SUN2: variants seen among roughly 807,000 people sequenced by gnomAD.
The protein encoded by SUN2 is SUN domain-containing protein 2.
Under a neutral mutation model 100.0 loss-of-function variants are expected in SUN2, and 60 were observed. The ratio of observed to expected loss-of-function variants is 0.60; its 90% CI spans 0.49 to 0.74. The LOEUF is 0.74. Ranked by LOEUF, SUN2 falls within the 30% of genes least tolerant of loss-of-function variation. The probability of loss-of-function intolerance (pLI) is 0.00; values close to 1 mark genes in which losing one functional copy is unlikely to be tolerated. For synonymous variants in SUN2, 367 were observed against 403.3 expected, an observed-to-expected ratio of 0.91 and a Z score of 1.08; for missense variants, 834 against 954.6, an observed-to-expected ratio of 0.87 and a Z score of 1.66.
At chr22:38,750,743 A>T (rs540426980) in intron 4 of SUN2, 155 bp downstream of exon 4, 33 of 1,258,822 alleles carry the variant, frequency 2.6e-5, no homozygotes, top group Non-Finnish European at 3.5e-5. Flanking sequence ...GGGCCACCGC[A>T]GGCCAGGCTG....
Position 38,737,237 on chromosome 22 carries a change from C to T in SUN2, c.2041-857G>A, listed in dbSNP as rs532142034. On this transcript the variant is annotated intron_variant, in intron 17 of 17. Coordinates refer to ENST00000689035, the MANE Select transcript of SUN2 (RefSeq NM_015374.3). This position sits in a 1 kb window ranked among gnomAD's most constrained non-coding sequence, Gnocchi z 4.1. Reference sequence around the variant, plus strand: ...ACAACTCAGTTCTTTCTGGCTCCCCCGACAGCTCCACTGGACTGTTCCATA... The same window carrying T: ...ACAACTCAGTTCTTTCTGGCTCCCCTGACAGCTCCACTGGACTGTTCCATA... Among the ~76,000 whole-genome samples the T allele has an allele frequency of 6.6e-4, 101 of 152,244 alleles. No individual in the cohort carries two copies. The highest frequency in any genetic ancestry group is 3.4e-3 in the Middle Eastern group (1 of 294).
chr22:38,740,964 G>A lies in SUN2; in HGVS notation c.1190+43C>T. The A allele has an allele frequency of 6.4e-7, 1 of 1,562,972 alleles. No homozygotes were observed. Among genetic ancestry groups the A allele is most frequent in the Non-Finnish European group, 8.7e-7 (1 of 1,152,074 alleles). ...CAGTCCTGCCTGGAGAGTGGGTGGGGCTGGGGAGGAGCAGGCCGAGGCCAG... is the reference window on the plus strand; with the variant it reads ...CAGTCCTGCCTGGAGAGTGGGTGGGACTGGGGAGGAGCAGGCCGAGGCCAG... On this transcript the variant is annotated intron_variant, in intron 11 of 17. Transcript: ENST00000689035. This position sits in a 1 kb window ranked among gnomAD's most constrained non-coding sequence, Gnocchi z 4.8.
At position 38,749,701 on chromosome 22, in the gene SUN2, A is replaced by G. The variant is rs1360969602; in HGVS notation, c.614+65T>C. 6.9e-6 allele frequency: 10 copies of G among 1,449,190 alleles called. No homozygotes were observed. The East Asian group carries it at 2.3e-4, about 33-fold the overall frequency. The allele number at this position is 1,449,190 out of a possible 1,614,324, so 89.8% of individuals were successfully genotyped here. A position where few individuals can be genotyped will look rare whatever the true frequency, so the allele number is the denominator to read the frequency against. ...AGAGAATCGACCATTACAGGTTGAC[A>G]CACTTTACCCGTCCCTTCACCCCAG... is the stretch of plus-strand genomic sequence containing the variant. On this transcript the variant is annotated intron_variant, in intron 6 of 17. Transcript: ENST00000689035.
In SUN2 at chr22:38,755,053, G is replaced by GCTCATC. The variant is rs2092975555; in HGVS notation, c.-38+709_-38+710insGATGAG. On this transcript the variant is annotated intron_variant, in intron 1 of 17. Coordinates refer to ENST00000689035, the MANE Select transcript of SUN2 (RefSeq NM_015374.3). The surrounding 1 kb of genome is among the most constrained non-coding windows in gnomAD (Gnocchi z 5.7). ...AACAATCAGTTAGGAAACGCTCATC[G>GCTCATC]GAAAGCATCCTTCCCCACTTCTCAG... 2.0e-5 allele frequency: 11 copies of GCTCATC among 538,682 alleles called. No individual in the cohort carries two copies. The African/African-American group carries it at 2.0e-4, about 10-fold the overall frequency. The allele number at this position is 538,682 out of a possible 1,614,324, so 33.4% of individuals were successfully genotyped here.
intron 17 of SUN2, 116 bp from the exon 18 acceptor site, chr22:38,736,496 C>T: frequency 1.3e-6 from 1 of 762,112 alleles, no homozygotes. Flanking sequence ...TGCTCCTTCC[C>T]TGGGGCTCTG....
Position 38,742,160 on chromosome 22 carries a change from A to AC in SUN2, c.1068+140_1068+141insG. On this transcript the variant is annotated intron_variant, in intron 9 of 17. Coordinates refer to ENST00000689035, the MANE Select transcript of SUN2 (RefSeq NM_015374.3). ...ATTGTCTCAAAAAGAAAAAAAAAAAAGAAAAAAAGAGAAAGGGAGTAACTG... is the reference window on the plus strand; with the variant it reads ...ATTGTCTCAAAAAGAAAAAAAAAAAACGAAAAAAAGAGAAAGGGAGTAACTG... The AC allele has an allele frequency of 8.2e-6, 9 of 1,096,704 alleles. No homozygotes were observed. In the African/African-American group the frequency reaches 1.3e-4, roughly 16 times the overall value. The allele number at this position is 1,096,704 out of a possible 1,614,324, so 67.9% of individuals were successfully genotyped here. A position where few individuals can be genotyped will look rare whatever the true frequency, so the allele number is the denominator to read the frequency against.
At chr22:38,743,414 C>CATATTTAG (rs2092876421) in intron 8 of SUN2, 1 of 152,208 alleles carries the variant, frequency 6.6e-6, no homozygotes, top group African/African-American at 2.4e-5. Context: ...TGGCGAAACC[C>CATATTTAG]TGTGTCTACT....
chr22:38,738,678 A>G lies in SUN2; in HGVS notation c.1856T>C (p.Ile619Thr). Residue 619 changes from isoleucine (I) to threonine (T), a missense_variant, in exon 16 of 18, where the codon ATC (isoleucine) becomes ACC (threonine). Physicochemically the swap from Ile to Thr is moderately conservative, Grantham distance 89 (BLOSUM62 -1). Around this residue, in one of 3 missense-constraint regions of SUN2, gnomAD observed 195 missense variants for 280.2 expected, o/e 0.70. Transcript: ENST00000689035. The surrounding 1 kb of genome is among the most constrained non-coding windows in gnomAD (Gnocchi z 6.6). The stretch of plus-strand genomic sequence containing the variant: ...CTCTAAGGTAACGGCTGTGGGGCGG[A>G]TGCGGGCAGAGAGGCGGACCACGGC... Reference protein sequence around the residue: ...GFAVVRLSARIRPTAVTLEHV... With the variant: ...GFAVVRLSARTRPTAVTLEHV... 6.2e-7 allele frequency: 1 copy of G among 1,613,866 alleles called. No individual in the cohort carries two copies. Among genetic ancestry groups the G allele is most frequent in the Non-Finnish European group, 8.5e-7 (1 of 1,180,010 alleles).
intron 1 of SUN2, chr22:38,754,932 G>A (rs1438958235): frequency 7.0e-6 from 9 of 1,289,136 alleles, no homozygotes; most frequent in South Asian, 1.2e-5. Context: ...GAAAAAGGTC[G>A]AGGCCCCATT....
In SUN2 at chr22:38,735,283, G is replaced by A. The variant is rs2092793423; in HGVS notation, c.*984C>T. On this transcript the variant is annotated 3_prime_UTR_variant, in exon 18 of 18. Transcript: ENST00000689035. ...CTGCAAGAGCCCAAGGGGGCAGCCTGAGCGGACGACCCCTACATCAGGGCC... is the reference window on the plus strand; with the variant it reads ...CTGCAAGAGCCCAAGGGGGCAGCCTAAGCGGACGACCCCTACATCAGGGCC... 2.2e-6 allele frequency: 1 copy of A among 454,626 alleles called. No individual in the cohort carries two copies. The highest frequency in any genetic ancestry group is 4.4e-6 in the Non-Finnish European group (1 of 226,378). The allele number at this position is 454,626 out of a possible 1,614,324, so 28.2% of individuals were successfully genotyped here. A position where few individuals can be genotyped will look rare whatever the true frequency, so the allele number is the denominator to read the frequency against.
At chr22:38,750,088 C>A in intron 5 of SUN2, 137 bp downstream of exon 5, 1 of 1,369,570 alleles carries the variant, frequency 7.3e-7, no homozygotes. Flanking sequence ...TCTGGGCTCC[C>A]AGTGATTATT....
In SUN2 at chr22:38,752,159, G is replaced by C. The variant is rs897968265; in HGVS notation, c.122+348C>G. 5.3e-5 allele frequency among the ~76,000 whole-genome samples: 8 copies of C among 152,138 alleles called. No individual in the cohort carries two copies. In the East Asian group the frequency reaches 1.3e-3, roughly 26 times the overall value. On this transcript the variant is annotated intron_variant, in intron 2 of 17. Transcript: ENST00000689035. ...CGGGCTAATTTTTGTATTTTTAGTA[G>C]AGACGGAGTTTCACTATGTTGGTCA...
At chr22:38,754,033 C>T (rs887835005) in intron 1 of SUN2, among the ~76,000 whole-genome samples, 1 of 152,130 alleles carries the variant, frequency 6.6e-6, no homozygotes, top group African/African-American at 2.4e-5. Flanking sequence ...AGGAGGAGGG[C>T]AGCATGAATT....
Position 38,755,050 on chromosome 22 carries a change from A to G in SUN2, c.-38+713T>C. On this transcript the variant is annotated intron_variant, in intron 1 of 17. Transcript: ENST00000689035. This position sits in a 1 kb window ranked among gnomAD's most constrained non-coding sequence, Gnocchi z 5.7. Reference sequence around the variant, plus strand: ...CCTAACAATCAGTTAGGAAACGCTCATCGGAAAGCATCCTTCCCCACTTCT... The same window carrying G: ...CCTAACAATCAGTTAGGAAACGCTCGTCGGAAAGCATCCTTCCCCACTTCT... 2.7e-6 allele frequency: 3 copies of G among 1,099,512 alleles called. No individual in the cohort carries two copies. Among genetic ancestry groups the G allele is most frequent in the Non-Finnish European group, 3.5e-6 (3 of 854,604 alleles). The allele number at this position is 1,099,512 out of a possible 1,614,324, so 68.1% of individuals were successfully genotyped here.
At chr22:38,750,109 C>G in intron 5 of SUN2, 116 bp downstream of exon 5, 2 of 1,464,456 alleles carry the variant, frequency 1.4e-6, no homozygotes, top group Non-Finnish European at 1.8e-6. Context: ...CTAGAATGAC[C>G]TTTCCCCAAT....
rs2092804001 is a variant in SUN2 at position 38,736,281 on chromosome 22, C to T, written c.2140G>A (p.Glu714Lys). Residue 714 changes from glutamate (E) to lysine (K), a missense_variant, in exon 18 of 18, where the codon GAG becomes AAG. Around this residue, in one of 3 missense-constraint regions of SUN2, gnomAD observed 80 missense variants for 76.7 expected, o/e 1.04. Coordinates refer to ENST00000689035, the MANE Select transcript of SUN2 (RefSeq NM_015374.3). ...TCIYRFRVHG[E>K]PAH ...AGTAAGCAGGGCTAGTGGGCGGGCT[C>T]CCCATGCACTCTGAAGCGGTAGATG... is the stretch of plus-strand genomic sequence containing the variant. 1 of 1,613,360 alleles carries T rather than the reference C, an allele frequency of 6.2e-7. No homozygotes were observed.
chr22:38,754,603 T>TGGGCTGG, intron 1 of SUN2: 2 of 889,150 alleles, frequency 2.2e-6, no homozygotes, highest in Non-Finnish European at 3.2e-6. Context: ...TAAGGTAATC[T>TGGGCTGG]CCCCTCCCCC....
intron 7 of SUN2, among the ~76,000 whole-genome samples, chr22:38,748,480 C>T (rs1362107949): frequency 1.3e-5 from 2 of 152,220 alleles, no homozygotes; most frequent in Non-Finnish European, 2.9e-5. Flanking sequence ...GAGGGCATCC[C>T]GCTTTTCACC....
intron 17 of SUN2, 124 bp from the exon 18 acceptor site, chr22:38,736,504 C>A (rs1009629943): frequency 2.8e-6 from 2 of 710,118 alleles, no homozygotes; most frequent in African/African-American, 3.6e-5. Flanking sequence ...CCCTGGGGCT[C>A]TGAAGAGAAC....
Sources: allele counts gnomAD v4.1 joint callset (sites outside exome capture counted in the v4.1 genomes callset), GRCh38; gene constraint gnomAD v4.1.1; regional missense constraint gnomAD v4.1.1; non-coding constraint Gnocchi (gnomAD v3.1); transcripts MANE v1.5; gene names NCBI Gene and HGNC (gene_info 2026-07-23, HGNC 2026-07-21).